The following MPPED1 variants were observed in gnomAD, a reference collection of about 807,000 sequenced individuals.
MPPED1 encodes metallophosphoesterase domain containing 1.
A neutral mutation model predicts 36.2 loss-of-function variants in MPPED1; 16 were observed. The ratio of observed to expected loss-of-function variants is 0.44; its 90% CI spans 0.30 to 0.67. MPPED1 has a LOEUF of 0.67. Ranked by LOEUF, MPPED1 falls within the 30% of genes least tolerant of loss-of-function variation. The probability of loss-of-function intolerance (pLI) is 0.10; values close to 1 mark genes in which losing one functional copy is unlikely to be tolerated. For missense variants in MPPED1, 307 were observed against 453.4 expected, an observed-to-expected ratio of 0.68 and a Z score of 2.93; for synonymous variants, 199 against 191.3, an observed-to-expected ratio of 1.04 and a Z score of -0.33.
intron 1 of MPPED1, among the ~76,000 whole-genome samples, chr22:43,419,647 A>T (rs1025680169): frequency 2.0e-5 from 3 of 148,984 alleles, no homozygotes; most frequent in Non-Finnish European, 4.4e-5. Context: ...GCACGGGCAG[A>T]GGTGAGTTCT....
chr22:43,456,203 T>C (rs531035866), intron 3 of MPPED1, among the ~76,000 whole-genome samples: 3 of 152,262 alleles, frequency 2.0e-5, no homozygotes, highest in Non-Finnish European at 4.4e-5. Context: ...CAAGAGTGAA[T>C]GTCCTTGTTT....
rs1928923961 is a variant in MPPED1, at chr22:43,412,178, G to GGGCGC, written c.-79+25_-79+29dup. On this transcript the variant is annotated intron_variant, in intron 1 of 6. Transcript: ENST00000443721. Reference sequence around the variant, plus strand: ...GGCCAGGTAGGACCGGAGGCGGGCGGGGCGCGGCGGGCGCGGGCGGGAGGC... The same window carrying GGGCGC: ...GGCCAGGTAGGACCGGAGGCGGGCGGGGCGCGGCGCGGCGGGCGCGGGCGGGAGGC... 8.2e-6 allele frequency: 8 copies of GGGCGC among 976,976 alleles called. No homozygotes were observed. The highest frequency in any genetic ancestry group is 2.4e-6 in the Non-Finnish European group (2 of 825,040). 60.5% of individuals were successfully genotyped at this position (976,976 alleles called of 1,614,324 possible). A position where few individuals can be genotyped will look rare whatever the true frequency, so the allele number is the denominator to read the frequency against.
At chr22:43,489,099 G>A (rs1227510348) in intron 4 of MPPED1, among the ~76,000 whole-genome samples, 5 of 152,292 alleles carry the variant, frequency 3.3e-5, no homozygotes, top group East Asian at 1.9e-4. Context: ...CAGGGGCCAC[G>A]TGGACTTCGG....
At chr22:43,429,100 G>A (rs946231386) in intron 2 of MPPED1, among the ~76,000 whole-genome samples, 6 of 152,224 alleles carry the variant, frequency 3.9e-5, no homozygotes, top group African/African-American at 1.4e-4. Flanking sequence ...GAGTGGGATG[G>A]AAGGCCACAG....
chr22:43,473,324 T>C (rs1272340750), intron 3 of MPPED1, among the ~76,000 whole-genome samples: 1 of 152,182 alleles, frequency 6.6e-6, no homozygotes, highest in Non-Finnish European at 1.5e-5. Flanking sequence ...GTGTGTGCTT[T>C]AGCAGATGAA....
intron 4 of MPPED1, among the ~76,000 whole-genome samples, chr22:43,491,514 A>G (rs1932083573): frequency 7.2e-6 from 1 of 139,358 alleles, no homozygotes; most frequent in African/African-American, 2.7e-5. Flanking sequence ...GGTGGTGGTT[A>G]TGGAGGTGGT....
chr22:43,465,176 C>T lies in MPPED1; in HGVS notation c.407-9560C>T, dbSNP rs1417692633. Among the ~76,000 whole-genome samples, 3 of 152,208 alleles carry T rather than the reference C, an allele frequency of 2.0e-5. No individual in the cohort carries two copies. In the East Asian group the frequency reaches 5.8e-4, roughly 29 times the overall value. ...ATGGTGAGATAGTAGAGAGCTGAGCCGACTCTCAGGCCAGGGCTCTCCCAC... is the reference window on the plus strand; with the variant it reads ...ATGGTGAGATAGTAGAGAGCTGAGCTGACTCTCAGGCCAGGGCTCTCCCAC... On this transcript the variant is annotated intron_variant, in intron 3 of 6. Coordinates refer to ENST00000443721, the MANE Select transcript of MPPED1 (RefSeq NM_001044370.2).
intron 1 of MPPED1, among the ~76,000 whole-genome samples, chr22:43,414,448 C>T (rs952678482): frequency 9.2e-5 from 14 of 152,060 alleles, no homozygotes; most frequent in African/African-American, 3.1e-4. Flanking sequence ...AAAAGAAAAC[C>T]CTCCCCAAAG....
At position 43,507,828 on chromosome 22, in the gene MPPED1, A is replaced by G. The variant is rs971705926; in HGVS notation, c.*2212A>G. ...TTTTTTGTCAAGCATGTCAGACAAT[A>G]AAGTCTTTGTAAAAAGAGAAGTCCA... On this transcript the variant is annotated 3_prime_UTR_variant, in exon 7 of 7. Coordinates refer to ENST00000443721, the MANE Select transcript of MPPED1 (RefSeq NM_001044370.2). The G allele has an allele frequency of 6.7e-6, 1 of 149,680 alleles. No homozygotes were observed. The highest frequency in any genetic ancestry group is 2.0e-4 in the East Asian group (1 of 5,046). The allele number at this position is 149,680 out of a possible 1,614,324, so 9.3% of individuals were successfully genotyped here.
Position 43,502,556 on chromosome 22 carries a change from C to T in MPPED1, c.749-88C>T. The T allele has an allele frequency of 9.5e-7, 1 of 1,052,790 alleles. No homozygotes were observed. Among genetic ancestry groups the T allele is most frequent in the South Asian group, 1.3e-5 (1 of 77,096 alleles). The allele number at this position is 1,052,790 out of a possible 1,614,324, so 65.2% of individuals were successfully genotyped here. ...GGAGTCCGGAAGCCCCATGCCTTCT[C>T]CAGGCTGCAGAAGCTGCTGCTAGGC... On this transcript the variant is annotated intron_variant, in intron 5 of 6. Transcript: ENST00000443721. This position sits in a 1 kb window ranked among gnomAD's most constrained non-coding sequence, Gnocchi z 5.5.
intron 1 of MPPED1, among the ~76,000 whole-genome samples, chr22:43,423,149 T>C (rs1929336523): frequency 1.3e-5 from 2 of 152,176 alleles, no homozygotes; most frequent in South Asian, 2.1e-4. Context: ...AAATCCATCT[T>C]CTAGAAGAGG....
chr22:43,435,538 G>A (rs2146834810), intron 3 of MPPED1, among the ~76,000 whole-genome samples: 1 of 152,206 alleles, frequency 6.6e-6, no homozygotes, highest in Non-Finnish European at 1.5e-5. Context: ...CCCAGTGCCT[G>A]GCAAAGGTAG....
chr22:43,498,043 C>T (rs1266938913), intron 4 of MPPED1, among the ~76,000 whole-genome samples, 192 bp from the exon 5 acceptor site: 1 of 150,836 alleles, frequency 6.6e-6, no homozygotes, highest in African/African-American at 2.5e-5. Flanking sequence ...AGAGAATTGC[C>T]TGGGGACCCA....
intron 1 of MPPED1, among the ~76,000 whole-genome samples, chr22:43,419,533 A>T (rs1929188733): frequency 6.6e-6 from 1 of 151,792 alleles, no homozygotes; most frequent in Admixed American, 6.6e-5. Context: ...GAGAAGTGGG[A>T]GTGGGGCTGG....
intron 3 of MPPED1, among the ~76,000 whole-genome samples, chr22:43,469,620 A>G (rs776756887): frequency 1.3e-5 from 2 of 151,568 alleles, no homozygotes; most frequent in African/African-American, 2.4e-5. Context: ...TGTGTCCTCC[A>G]TACCCACCTG....
In MPPED1 at chr22:43,442,626, C is replaced by T. The variant is rs117631221; in HGVS notation, c.406+7411C>T. On this transcript the variant is annotated intron_variant, in intron 3 of 6. Transcript: ENST00000443721. ...GCCAAGCTCTGCAGGGGCAGTCCAT[C>T]AGGCCTCATGCTGGCTCTGTCAGGA... 3.9e-3 allele frequency among the ~76,000 whole-genome samples: 590 copies of T among 152,314 alleles called. 9 individuals carry two copies. The highest frequency in any genetic ancestry group is 0.032 in the East Asian group (166 of 5,158).
chr22:43,459,577 A>T (rs1343967346), intron 3 of MPPED1, among the ~76,000 whole-genome samples: 2 of 152,124 alleles, frequency 1.3e-5, no homozygotes, highest in African/African-American at 4.8e-5. Context: ...AGGTTTGCTC[A>T]TTCTTTCTTC....
intron 3 of MPPED1, among the ~76,000 whole-genome samples, chr22:43,466,841 C>T (rs969173314): frequency 1.3e-5 from 2 of 152,184 alleles, no homozygotes; most frequent in African/African-American, 4.8e-5. Flanking sequence ...GAAACAGGCT[C>T]CTGCCCATGT....
rs916215808 is a variant in MPPED1, at chr22:43,507,044, A to G, written c.*1428A>G. On this transcript the variant is annotated 3_prime_UTR_variant, in exon 7 of 7. Transcript: ENST00000443721. ...CCTTTTGCAGATATAGACTCATTTC[A>G]TCCTCAGATGGTCCTTCAAGGTAGG... 2.0e-5 allele frequency: 3 copies of G among 152,084 alleles called. No individual in the cohort carries two copies. The highest frequency in any genetic ancestry group is 6.5e-5 in the Admixed American group (1 of 15,276). The allele number at this position is 152,084 out of a possible 1,614,324, so 9.4% of individuals were successfully genotyped here. A position where few individuals can be genotyped will look rare whatever the true frequency, so the allele number is the denominator to read the frequency against.
Sources: gnomAD v4.1 joint callset for allele counts (sites outside exome capture counted in the v4.1 genomes callset) on GRCh38, gnomAD v4.1.1 for gene constraint, Gnocchi (gnomAD v3.1) non-coding constraint, MANE v1.5 for transcripts, NCBI Gene and HGNC (gene_info 2026-07-23, HGNC 2026-07-21) for gene names.